ZFYVE28: variants seen among roughly 807,000 people sequenced by gnomAD.
ZFYVE28 encodes zinc finger FYVE-type containing 28.
A neutral mutation model predicts 82.1 loss-of-function variants in ZFYVE28; 40 were observed. The observed-to-expected ratio is 0.49, with a 90% CI of 0.38 to 0.63. ZFYVE28 has a LOEUF of 0.63. Ranked by LOEUF, ZFYVE28 falls within the 30% of genes least tolerant of loss-of-function variation. ZFYVE28 has a pLI of 0.00. For missense variants in ZFYVE28, 1,321 were observed against 1,242.1 expected (o/e 1.06, Z -0.96); for synonymous variants, 612 against 546.1 (o/e 1.12, Z -1.68).
At chr4:2,346,333 C>T (rs1196811824) in intron 2 of ZFYVE28, among the ~76,000 whole-genome samples, 2 of 139,922 alleles carry the variant, frequency 1.4e-5, no homozygotes, top group Admixed American at 7.0e-5. Context: ...CTGAGCGAGA[C>T]TCCATCTCAA....
At chr4:2,296,909 C>G (rs1458495281) in intron 8 of ZFYVE28, among the ~76,000 whole-genome samples, 1 of 152,120 alleles carries the variant, frequency 6.6e-6, no homozygotes, top group Non-Finnish European at 1.5e-5. Context: ...CTCTGAGCCC[C>G]CAGAAGAGCT....
chr4:2,393,363 A>C (rs916494514), intron 1 of ZFYVE28, among the ~76,000 whole-genome samples: 2 of 152,266 alleles, frequency 1.3e-5, no homozygotes, highest in Admixed American at 1.3e-4. Flanking sequence ...AATTCCTTGG[A>C]AGGCAGGCCA....
At chr4:2,288,181 A>C (rs1213042893) in intron 8 of ZFYVE28, among the ~76,000 whole-genome samples, 1 of 152,142 alleles carries the variant, frequency 6.6e-6, no homozygotes, top group Non-Finnish European at 1.5e-5. Context: ...GAGCAGAGAT[A>C]TGGCCCTACC....
At chr4:2,331,937 T>G (rs1457119408) in intron 6 of ZFYVE28, among the ~76,000 whole-genome samples, 1 of 152,210 alleles carries the variant, frequency 6.6e-6, no homozygotes, top group African/African-American at 2.4e-5. Flanking sequence ...CACAGGTGAA[T>G]AGCAGGCTCT....
At chr4:2,330,937 T>C in intron 6 of ZFYVE28, 1 of 1,533,696 alleles carries the variant, frequency 6.5e-7, no homozygotes, top group Non-Finnish European at 8.7e-7. Flanking sequence ...TGACACCTTG[T>C]TTTGACACAG....
At chr4:2,382,822 A>G (rs1178853790) in intron 1 of ZFYVE28, among the ~76,000 whole-genome samples, 1 of 152,154 alleles carries the variant, frequency 6.6e-6, no homozygotes, top group Non-Finnish European at 1.5e-5. Context: ...AATTGGACTT[A>G]CAGTTCCATA....
chr4:2,368,539 T>C (rs1327473668), intron 1 of ZFYVE28, among the ~76,000 whole-genome samples: 1 of 152,152 alleles, frequency 6.6e-6, no homozygotes, highest in Admixed American at 6.5e-5. Flanking sequence ...TCATCGACTT[T>C]ATCTCTGGAT....
At chr4:2,333,459 G>A (rs577661594) in intron 6 of ZFYVE28, among the ~76,000 whole-genome samples, 1 of 151,956 alleles carries the variant, frequency 6.6e-6, no homozygotes, top group South Asian at 2.1e-4. Flanking sequence ...GCTGTTCTGC[G>A]GTCGCCTGTA....
chr4:2,363,378 C>T (rs1231862543), intron 1 of ZFYVE28, among the ~76,000 whole-genome samples: 3 of 152,114 alleles, frequency 2.0e-5, no homozygotes, highest in Non-Finnish European at 2.9e-5. Flanking sequence ...CCTTGACCCT[C>T]CCAGGGACTG....
chr4:2,376,371 TAAAAAAAAA>T (rs55652132), intron 1 of ZFYVE28, among the ~76,000 whole-genome samples: 2 of 75,746 alleles, frequency 2.6e-5, no homozygotes, highest in African/African-American at 5.4e-5. Context: ...ACCCTATCTC[TAAAAAAAAA>T]AAAAAAAAAA....
In ZFYVE28 at chr4:2,332,292, G is replaced by C. The variant is rs745497582; in HGVS notation, c.701+3413C>G. On this transcript the variant is annotated intron_variant, in intron 6 of 12. Coordinates refer to ENST00000290974, the MANE Select transcript of ZFYVE28 (RefSeq NM_020972.3). This position sits in a 1 kb window ranked among gnomAD's most constrained non-coding sequence, Gnocchi z 4.7. The stretch of plus-strand genomic sequence containing the variant: ...GCGAGGGTGTGGGCCCAGGAATGCA[G>C]GCTAGAGGGGTCTTCATTTCTGCAG... Among the ~76,000 whole-genome samples the C allele has an allele frequency of 4.3e-4, 65 of 152,288 alleles. No homozygotes were observed. The highest frequency in any genetic ancestry group is 3.4e-3 in the Middle Eastern group (1 of 294).
chr4:2,293,099 TAAA>T (rs10711535), intron 8 of ZFYVE28, among the ~76,000 whole-genome samples: 3 of 146,490 alleles, frequency 2.0e-5, no homozygotes, highest in Admixed American at 1.4e-4. Context: ...TGTTCTTGAT[TAAA>T]AAAAAAAAAA....
chr4:2,322,214 G>A (rs999915148), intron 6 of ZFYVE28, among the ~76,000 whole-genome samples: 51 of 152,324 alleles, frequency 3.3e-4, no homozygotes, highest in African/African-American at 1.0e-3. Context: ...CAGAGGTGGG[G>A]AGCGGCCCCC....
chr4:2,297,574 G>C (rs1290764122), intron 8 of ZFYVE28, among the ~76,000 whole-genome samples: 1 of 152,258 alleles, frequency 6.6e-6, no homozygotes, highest in African/African-American at 2.4e-5. Context: ...ACAGAGATGT[G>C]AATCCAGGAA....
At chr4:2,407,757 T>G (rs1303859092) in intron 1 of ZFYVE28, among the ~76,000 whole-genome samples, 1 of 152,008 alleles carries the variant, frequency 6.6e-6, no homozygotes, top group Non-Finnish European at 1.5e-5. Flanking sequence ...CCCAGCTAAT[T>G]TTGTATTTTT....
chr4:2,333,220 AC>A (rs1252086006), intron 6 of ZFYVE28, among the ~76,000 whole-genome samples: 10 of 20,964 alleles, frequency 4.8e-4, no homozygotes, highest in African/African-American at 1.5e-3. Flanking sequence ...CCCTTCCCTG[AC>A]CCCCCCTGCT....
chr4:2,284,256 G>A (rs995090959), intron 8 of ZFYVE28, among the ~76,000 whole-genome samples: 3 of 152,144 alleles, frequency 2.0e-5, no homozygotes, highest in Non-Finnish European at 4.4e-5. Context: ...GATAAAGGCC[G>A]TGTCGCCCAG....
In ZFYVE28 at chr4:2,335,865, G is replaced by A. The variant is rs1286454166; in HGVS notation, c.612-71C>T. The A allele has an allele frequency of 1.0e-5, 14 of 1,364,478 alleles. No individual in the cohort carries two copies. Among genetic ancestry groups the A allele is most frequent in the African/African-American group, 2.9e-5 (2 of 69,002 alleles). 84.5% of individuals were successfully genotyped at this position (1,364,478 alleles called of 1,614,324 possible). ...ACAGCCACAGGTTGGACCCCAGCAGGGACAGGCAGTGCGCTCAATCTGTAC... is the reference window on the plus strand; with the variant it reads ...ACAGCCACAGGTTGGACCCCAGCAGAGACAGGCAGTGCGCTCAATCTGTAC... On this transcript the variant is annotated intron_variant, in intron 5 of 12. Coordinates refer to ENST00000290974, the MANE Select transcript of ZFYVE28 (RefSeq NM_020972.3). This position sits in a 1 kb window ranked among gnomAD's most constrained non-coding sequence, Gnocchi z 5.8.
chr4:2,376,561 G>A (rs1168606718), intron 1 of ZFYVE28, among the ~76,000 whole-genome samples: 1 of 152,098 alleles, frequency 6.6e-6, no homozygotes, highest in Non-Finnish European at 1.5e-5. Context: ...CCTCTTCACA[G>A]GGCAGCAGGA....
Sources: allele counts gnomAD v4.1 joint callset (sites outside exome capture counted in the v4.1 genomes callset), GRCh38; gene constraint gnomAD v4.1.1; non-coding constraint Gnocchi (gnomAD v3.1); transcripts MANE v1.5; gene names NCBI Gene and HGNC (gene_info 2026-07-23, HGNC 2026-07-21).